Variants in MYH11 observed in about 807,000 individuals in gnomAD.
MYH11 encodes myosin-11.
Under a neutral mutation model 246.6 loss-of-function variants are expected in MYH11, and 80 were observed. The observed-to-expected ratio is 0.32, with a 90% CI of 0.27 to 0.39. The LOEUF (loss-of-function observed/expected upper bound fraction) is 0.39, where lower values mean the gene tolerates loss of function less well. Among genes scored for constraint, MYH11 ranks in the 10% least tolerant of loss-of-function variants. The pLI is 1.00. For missense variants in MYH11, 2,158 were observed against 2,546.8 expected (o/e 0.85, Z 3.29); for synonymous variants, 1,071 against 1,015.5 (o/e 1.05, Z -1.04).
intron 2 of MYH11, among the ~76,000 whole-genome samples, chr16:15,836,987 C>T (rs2043915091): frequency 1.3e-5 from 2 of 151,878 alleles, no homozygotes; most frequent in South Asian, 2.1e-4. Flanking sequence ...GGCCTCCCAG[C>T]GTGCTGGGAT....
At chr16:15,774,732 G>A (rs985207033) in intron 8 of MYH11, among the ~76,000 whole-genome samples, 2 of 152,188 alleles carry the variant, frequency 1.3e-5, no homozygotes, top group Admixed American at 1.3e-4. Flanking sequence ...TGGGATGACA[G>A]GCGCCAGCCA....
intron 9 of MYH11, among the ~76,000 whole-genome samples, chr16:15,764,356 G>A (rs541051711): frequency 6.6e-5 from 10 of 152,166 alleles, no homozygotes; most frequent in African/African-American, 1.7e-4. Context: ...CAAAACTGAT[G>A]TATTGGGGCC....
chr16:15,802,222 C>T (rs963221018), intron 3 of MYH11, among the ~76,000 whole-genome samples: 1 of 152,204 alleles, frequency 6.6e-6, no homozygotes, highest in Non-Finnish European at 1.5e-5. Flanking sequence ...CTAACAGCTC[C>T]GATCTCCCGA....
chr16:15,767,948 TTA>T (rs2042020448), intron 9 of MYH11, among the ~76,000 whole-genome samples: 1 of 151,976 alleles, frequency 6.6e-6, no homozygotes, highest in Admixed American at 6.6e-5. Context: ...TTTTTTTTTT[TTA>T]AATTTTTAGT....
intron 36 of MYH11, 69 bp downstream of exon 36, chr16:15,719,151 G>A: frequency 3.4e-6 from 5 of 1,461,664 alleles, no homozygotes; most frequent in Non-Finnish European, 1.9e-6. Flanking sequence ...AAATAAAATG[G>A]GGGTCGAGGA....
intron 10 of MYH11, among the ~76,000 whole-genome samples, chr16:15,762,092 A>G (rs2041880556): frequency 6.6e-6 from 1 of 152,240 alleles, no homozygotes; most frequent in Non-Finnish European, 1.5e-5. Flanking sequence ...CTCCTGCCTC[A>G]GCCTCCTGAG....
chr16:15,703,396 C>T lies in MYH11; in HGVS notation c.*595G>A, dbSNP rs867022432. The T allele has an allele frequency of 1.2e-4, 28 of 238,410 alleles. No homozygotes were observed. The South Asian group carries it at 3.2e-3, about 27-fold the overall frequency. The allele number at this position is 238,410 out of a possible 1,614,324, so 14.8% of individuals were successfully genotyped here. ...GAGTGGGGGCCGGCGGCACCCATTTCGGTGACTTTCTCCCCATTTCATGTA... is the reference window on the plus strand; with the variant it reads ...GAGTGGGGGCCGGCGGCACCCATTTTGGTGACTTTCTCCCCATTTCATGTA... On this transcript the variant is annotated 3_prime_UTR_variant, in exon 41 of 41. Coordinates refer to ENST00000300036, the MANE Select transcript of MYH11 (RefSeq NM_002474.3).
chr16:15,789,985 G>C (rs1439625471), intron 4 of MYH11, among the ~76,000 whole-genome samples: 1 of 152,128 alleles, frequency 6.6e-6, no homozygotes, highest in African/African-American at 2.4e-5. Flanking sequence ...CCCTGGCCTT[G>C]AACCTCTCTC....
chr16:15,769,638 A>G (rs2042055595), intron 9 of MYH11, among the ~76,000 whole-genome samples: 1 of 152,210 alleles, frequency 6.6e-6, no homozygotes, highest in Non-Finnish European at 1.5e-5. Flanking sequence ...CATGTTGCCC[A>G]GGTTAGTCTC....
chr16:15,801,629 C>T (rs887044734), intron 3 of MYH11, among the ~76,000 whole-genome samples: 1 of 152,060 alleles, frequency 6.6e-6, no homozygotes, highest in South Asian at 2.1e-4. Flanking sequence ...CCACTGCACT[C>T]CAGCCTGGGC....
intron 8 of MYH11, among the ~76,000 whole-genome samples, chr16:15,775,207 G>A (rs1052577893): frequency 5.9e-5 from 9 of 152,076 alleles, no homozygotes; most frequent in African/African-American, 2.2e-4. Context: ...ACTTCCTACT[G>A]GAGTTTGGTA....
At chr16:15,727,653 G>A (rs1418584783) in intron 27 of MYH11, among the ~76,000 whole-genome samples, 1 of 152,078 alleles carries the variant, frequency 6.6e-6, no homozygotes, top group Non-Finnish European at 1.5e-5. Flanking sequence ...TAAAAATCTG[G>A]ATTCCCAGCT....
intron 10 of MYH11, among the ~76,000 whole-genome samples, chr16:15,762,745 C>A (rs187813571): frequency 1.9e-4 from 29 of 152,322 alleles, no homozygotes; most frequent in Non-Finnish European, 3.1e-4. Context: ...AAACTCTGTT[C>A]TCCCATGCAG....
chr16:15,833,305 G>T (rs1185857484), intron 2 of MYH11, among the ~76,000 whole-genome samples: 1 of 136,616 alleles, frequency 7.3e-6, no homozygotes. Flanking sequence ...TCAAAAGAAA[G>T]AAAAAGAAAA....
At chr16:15,856,689 A>C (rs1388858277) in intron 1 of MYH11, among the ~76,000 whole-genome samples, 1 of 151,398 alleles carries the variant, frequency 6.6e-6, no homozygotes, top group East Asian at 1.9e-4. Flanking sequence ...AGGCATTGAT[A>C]TCGTTAATAA....
Position 15,763,825 on chromosome 16 carries a change from G to A in MYH11, c.1100C>T (p.Thr367Ile), listed in dbSNP as rs1026635988. 1 of 1,606,712 alleles carries A rather than the reference G, an allele frequency of 6.2e-7. No individual in the cohort carries two copies. The highest frequency in any genetic ancestry group is 2.2e-5 in the East Asian group (1 of 44,604). The change falls in exon 10 of 41, where the codon ACA becomes ATA. Residue 367 changes from threonine (T) to isoleucine (I), a missense_variant. By Grantham distance (89) the Thr-to-Ile change is moderately conservative. Coordinates refer to ENST00000300036, the MANE Select transcript of MYH11 (RefSeq NM_002474.3). ...GNIVFKKERN[T>I]DQASMPDNTA... The stretch of plus-strand genomic sequence containing the variant: ...GTTATCTGGCATGGACGCCTGGTCT[G>A]TGTTTCTTTCCTTCTTGAAGACGAT...
At chr16:15,816,000 A>C (rs2043253474) in intron 3 of MYH11, among the ~76,000 whole-genome samples, 1 of 152,248 alleles carries the variant, frequency 6.6e-6, no homozygotes, top group Non-Finnish European at 1.5e-5. Context: ...CTGAAATTTT[A>C]AACCCAACTA....
At chr16:15,734,561 A>G (rs2041061333) in intron 26 of MYH11, among the ~76,000 whole-genome samples, 1 of 152,196 alleles carries the variant, frequency 6.6e-6, no homozygotes, top group Admixed American at 6.5e-5. Flanking sequence ...TTGGCCTCCC[A>G]AAGTGCTGAG....
chr16:15,725,319 T>C, intron 28 of MYH11: 1 of 564,012 alleles, frequency 1.8e-6, no homozygotes, highest in East Asian at 3.0e-5. Context: ...CCAAGGTTGG[T>C]AGAGACAAAG....
Sources: gnomAD v4.1 joint callset for allele counts (sites outside exome capture counted in the v4.1 genomes callset) on GRCh38, gnomAD v4.1.1 for gene constraint, MANE v1.5 for transcripts, NCBI Gene and HGNC (gene_info 2026-07-23, HGNC 2026-07-21) for gene names.